DPH6: variants seen among roughly 807,000 people sequenced by gnomAD.
DPH6 encodes diphthine--ammonia ligase.
A neutral mutation model predicts 38.2 loss-of-function variants in DPH6; 33 were observed. The ratio of observed to expected loss-of-function variants is 0.86; its 90% confidence interval spans 0.65 to 1.15. The LOEUF is 1.15. DPH6 is among the 50% of genes most tolerant of loss of function. The pLI is 0.00. For missense variants in DPH6, 325 were observed against 320.0 expected (o/e 1.02, Z -0.12); for synonymous variants, 108 against 103.0 (o/e 1.05, Z -0.30).
intron 3 of DPH6, among the ~76,000 whole-genome samples, chr15:35,333,937 T>C (rs954823129): frequency 3.3e-5 from 5 of 152,164 alleles, no homozygotes; most frequent in Admixed American, 2.6e-4. Flanking sequence ...TGGAGTACTA[T>C]GCAGCCATAA....
rs1338549692 is a variant in DPH6 at position 35,515,408 on chromosome 15, CACA to C, written c.312+22863_312+22865del. ...AGAGGTTCGTGACCAGCCTGGGTAACACAACAAGATGCCCATCTTTACAAAAAT... is the reference window on the plus strand; with the variant it reads ...AGAGGTTCGTGACCAGCCTGGGTAACACAAGATGCCCATCTTTACAAAAAT... On this transcript the variant is annotated intron_variant, in intron 3 of 8. Coordinates refer to ENST00000256538, the MANE Select transcript of DPH6 (RefSeq NM_080650.4). 2.6e-5 allele frequency among the ~76,000 whole-genome samples: 4 copies of C among 151,850 alleles called. No homozygotes were observed. The East Asian group carries it at 7.8e-4, about 29-fold the overall frequency.
intron 3 of DPH6, among the ~76,000 whole-genome samples, chr15:35,478,709 T>C (rs2054292417): frequency 6.6e-6 from 1 of 151,884 alleles, no homozygotes; most frequent in Non-Finnish European, 1.5e-5. Flanking sequence ...AGGAGATCAT[T>C]TTTAACCTGC....
chr15:35,505,080 G>A (rs1376360021), intron 3 of DPH6, among the ~76,000 whole-genome samples: 2 of 152,154 alleles, frequency 1.3e-5, no homozygotes, highest in South Asian at 2.1e-4. Context: ...GTATGACATA[G>A]CCATTTACCA....
At chr15:35,277,417 C>T (rs1423408372) in intron 3 of DPH6, among the ~76,000 whole-genome samples, 1 of 152,088 alleles carries the variant, frequency 6.6e-6, no homozygotes, top group Non-Finnish European at 1.5e-5. Flanking sequence ...CCTTTTATTT[C>T]CCCCTCTTGT....
chr15:35,509,445 T>C (rs113200051), intron 3 of DPH6, among the ~76,000 whole-genome samples: 2 of 152,338 alleles, frequency 1.3e-5, no homozygotes, highest in African/African-American at 4.8e-5. Context: ...TGAAGGAGCC[T>C]GACAGCACTG....
At chr15:35,460,394 T>C (rs1254373981) in intron 3 of DPH6, among the ~76,000 whole-genome samples, 3 of 152,096 alleles carry the variant, frequency 2.0e-5, no homozygotes, top group African/African-American at 7.2e-5. Flanking sequence ...TTAAAGATAA[T>C]AATGCTAGTA....
At chr15:35,246,830 C>G (rs1204579474) in intron 3 of DPH6, among the ~76,000 whole-genome samples, 1 of 152,106 alleles carries the variant, frequency 6.6e-6, no homozygotes, top group Non-Finnish European at 1.5e-5. Flanking sequence ...TTGGCCTGGT[C>G]CATACTTTAC....
chr15:35,156,107 G>A, the DPH6 span, among the ~76,000 whole-genome samples: 7,422 of 147,898 alleles, frequency 0.05, 604 homozygotes, highest in African/African-American at 0.17. Context: ...CCAGACTTAA[G>A]GAAAACCATA....
At chr15:35,196,211 C>T in the DPH6 span, among the ~76,000 whole-genome samples, 30 of 152,182 alleles carry the variant, frequency 2.0e-4, no homozygotes, top group Non-Finnish European at 3.5e-4. Flanking sequence ...TTGTGCTATG[C>T]TAATTAGAAT....
In DPH6 at chr15:35,372,206, A is replaced by G; in HGVS notation, c.751-3T>C. The G allele has an allele frequency of 1.9e-6, 1 of 521,300 alleles. No homozygotes were observed. The highest frequency in any genetic ancestry group is 6.8e-5 in the South Asian group (1 of 14,610). 32.3% of individuals were successfully genotyped at this position (521,300 alleles called of 1,614,324 possible). ...TAGTTGTCAGGCACTGAGGACACCT[A>G]AAAAAAAAAGGGAAGGAAAGGGAAG... On this transcript the variant is annotated splice_polypyrimidine_tract_variant and splice_region_variant and intron_variant, in intron 8 of 8. Coordinates refer to ENST00000256538, the MANE Select transcript of DPH6 (RefSeq NM_080650.4).
chr15:35,504,378 C>A (rs2054666990), intron 3 of DPH6, among the ~76,000 whole-genome samples: 1 of 151,966 alleles, frequency 6.6e-6, no homozygotes, highest in Admixed American at 6.6e-5. Flanking sequence ...GGAAAGTCAT[C>A]TTCTCACTCT....
chr15:35,381,970 A>T, intron 6 of DPH6, 54 bp from the exon 7 acceptor site: 1 of 1,333,908 alleles, frequency 7.5e-7, no homozygotes, highest in Non-Finnish European at 1.1e-6. Context: ...TAGACAGCAT[A>T]AATGCTCTCT....
At chr15:35,486,803 C>T (rs887322560) in intron 3 of DPH6, among the ~76,000 whole-genome samples, 8 of 152,072 alleles carry the variant, frequency 5.3e-5, no homozygotes, top group African/African-American at 1.9e-4. Context: ...CCCAAAAGTC[C>T]AAGTCCAAAG....
At chr15:35,394,276 T>C (rs1194499600) in intron 6 of DPH6, among the ~76,000 whole-genome samples, 1 of 152,190 alleles carries the variant, frequency 6.6e-6, no homozygotes, top group Non-Finnish European at 1.5e-5. Flanking sequence ...TTAAGATAAT[T>C]ATATTATCAT....
At chr15:35,276,449 C>G (rs947189031) in intron 3 of DPH6, among the ~76,000 whole-genome samples, 8 of 152,156 alleles carry the variant, frequency 5.3e-5, no homozygotes, top group Non-Finnish European at 1.0e-4. Context: ...TAAGTCCCAG[C>G]TATTCATCTT....
chr15:35,156,606 A>G, the DPH6 span, among the ~76,000 whole-genome samples: 1 of 152,108 alleles, frequency 6.6e-6, no homozygotes, highest in Non-Finnish European at 1.5e-5. Flanking sequence ...CCTAACGACT[A>G]GAGAATGCAA....
At position 35,502,156 on chromosome 15, in the gene DPH6, T is replaced by G. The variant is rs8033238; in HGVS notation, c.312+36118A>C. ...ATTCTGGACTTCTCTATATTTATAA[T>G]TAAGATGTGGCCATTATTACATCGG... On this transcript the variant is annotated intron_variant, in intron 3 of 8. Transcript: ENST00000256538. Among the ~76,000 whole-genome samples the G allele has an allele frequency of 2.3e-3, 348 of 152,234 alleles. 1 individual carries two copies. Among genetic ancestry groups the G allele is most frequent in the African/African-American group, 8.2e-3 (340 of 41,566 alleles).
chr15:35,467,696 G>A (rs547224285), intron 3 of DPH6, among the ~76,000 whole-genome samples: 35 of 152,280 alleles, frequency 2.3e-4, no homozygotes, highest in South Asian at 6.3e-4. Flanking sequence ...GTCTTCAGGA[G>A]TAATGACTGG....
intron 3 of DPH6, among the ~76,000 whole-genome samples, chr15:35,348,523 T>G (rs1346496159): frequency 6.6e-6 from 1 of 152,162 alleles, no homozygotes; most frequent in Non-Finnish European, 1.5e-5. Flanking sequence ...TATGTTAGTA[T>G]CATACCGTTT....
Sources: gnomAD v4.1 joint callset for allele counts (sites outside exome capture counted in the v4.1 genomes callset) on GRCh38, gnomAD v4.1.1 for gene constraint, MANE v1.5 for transcripts, NCBI Gene and HGNC (gene_info 2026-07-23, HGNC 2026-07-21) for gene names.